The following ESRRG variants were observed in gnomAD, a reference collection of about 807,000 sequenced individuals.
The protein encoded by ESRRG is estrogen-related receptor gamma.
Under a neutral mutation model 44.0 loss-of-function variants are expected in ESRRG, and 13 were observed. That is an observed-to-expected ratio of 0.30 (90% confidence interval 0.19 to 0.47). The LOEUF (loss-of-function observed/expected upper bound fraction) is 0.47, where lower values mean the gene tolerates loss of function less well. ESRRG is among the 20% of genes least tolerant of loss of function. The pLI is 1.00. For missense variants in ESRRG, 395 were observed against 580.6 expected, an observed-to-expected ratio of 0.68 and a Z score of 3.29; for synonymous variants, 215 against 214.6, an observed-to-expected ratio of 1.00 and a Z score of -0.02.
chr1:216,657,480 C>T (rs190895201), intron 2 of ESRRG, among the ~76,000 whole-genome samples: 13 of 152,260 alleles, frequency 8.5e-5, no homozygotes, highest in East Asian at 3.9e-4. Context: ...TTCACCCAAA[C>T]GTATTGCCCT....
chr1:216,928,131 T>C (rs1183915156), intron 2 of ESRRG, among the ~76,000 whole-genome samples: 1 of 152,162 alleles, frequency 6.6e-6, no homozygotes, highest in African/African-American at 2.4e-5. Context: ...CATATTGTTG[T>C]TAATTATAGA....
At chr1:216,737,581 C>T (rs1297897685) in intron 2 of ESRRG, among the ~76,000 whole-genome samples, 2 of 152,114 alleles carry the variant, frequency 1.3e-5, no homozygotes, top group Non-Finnish European at 2.9e-5. Flanking sequence ...TGCTAAATTA[C>T]TTAGCCCAGG....
intron 2 of ESRRG, among the ~76,000 whole-genome samples, chr1:216,738,319 T>C (rs2090237847): frequency 1.3e-5 from 2 of 152,112 alleles, no homozygotes; most frequent in Admixed American, 1.3e-4. Context: ...AAACCAAATT[T>C]CCAGGGATCC....
intron 3 of ESRRG, among the ~76,000 whole-genome samples, chr1:216,586,285 C>T (rs1263909103): frequency 6.6e-6 from 1 of 151,998 alleles, no homozygotes; most frequent in African/African-American, 2.4e-5. Context: ...TTTTAAGACG[C>T]TGGAATAAAA....
At chr1:217,031,498 T>C (rs978823286) in intron 1 of ESRRG, among the ~76,000 whole-genome samples, 1 of 152,226 alleles carries the variant, frequency 6.6e-6, no homozygotes, top group African/African-American at 2.4e-5. Context: ...GCTTTCAGCT[T>C]TCTTCTTAAG....
chr1:217,097,833 C>T (rs2092446441), intron 1 of ESRRG, among the ~76,000 whole-genome samples: 1 of 117,902 alleles, frequency 8.5e-6, no homozygotes, highest in South Asian at 3.5e-4. Flanking sequence ...TTTCTTTTGG[C>T]CAGGCTGCTT....
At chr1:216,835,506 A>T (rs2095550663) in intron 2 of ESRRG, among the ~76,000 whole-genome samples, 1 of 152,176 alleles carries the variant, frequency 6.6e-6, no homozygotes, top group South Asian at 2.1e-4. Context: ...TTAGGTTCTC[A>T]GTCTCATCTA....
At chr1:216,815,466 G>C (rs1046298940) in intron 2 of ESRRG, among the ~76,000 whole-genome samples, 1 of 152,190 alleles carries the variant, frequency 6.6e-6, no homozygotes, top group Non-Finnish European at 1.5e-5. Flanking sequence ...GAAGGGCTTT[G>C]TGGAGTGGGA....
At chr1:216,952,359 C>T (rs2067114666) in intron 1 of ESRRG, among the ~76,000 whole-genome samples, 1 of 152,076 alleles carries the variant, frequency 6.6e-6, no homozygotes, top group Non-Finnish European at 1.5e-5. Flanking sequence ...TTGCAAAGGG[C>T]AGCGTGGAAA....
chr1:216,848,097 A>G (rs963886838), intron 2 of ESRRG, among the ~76,000 whole-genome samples: 2 of 152,120 alleles, frequency 1.3e-5, no homozygotes, highest in African/African-American at 4.8e-5. Flanking sequence ...ACAACCAAAA[A>G]TGACTCCAGA....
At chr1:216,626,721 T>C (rs17671012) in intron 3 of ESRRG, among the ~76,000 whole-genome samples, 30,044 of 152,152 alleles carry the variant, frequency 0.2, 3,779 homozygotes, top group Non-Finnish European at 0.29. Context: ...ATATTTTATT[T>C]CAGTCTGTCG....
At chr1:217,115,648 C>T (rs74141754) in intron 1 of ESRRG, among the ~76,000 whole-genome samples, 1,938 of 152,230 alleles carry the variant, frequency 0.013, 49 homozygotes, top group African/African-American at 0.043. Flanking sequence ...TCCTCATTTC[C>T]TTCAGGTCTG....
chr1:217,126,252 A>G (rs2092888505), intron 1 of ESRRG, among the ~76,000 whole-genome samples: 1 of 152,156 alleles, frequency 6.6e-6, no homozygotes, highest in South Asian at 2.1e-4. Context: ...CCGTAGCACC[A>G]TGTAGGAAAA....
intron 1 of ESRRG, among the ~76,000 whole-genome samples, chr1:217,004,272 C>T (rs1465356355): frequency 6.6e-6 from 1 of 152,168 alleles, no homozygotes; most frequent in Non-Finnish European, 1.5e-5. Context: ...ACCCAAATCT[C>T]ACCTTGAATT....
intron 1 of ESRRG, among the ~76,000 whole-genome samples, chr1:217,006,622 C>T (rs928049609): frequency 1.3e-5 from 2 of 152,160 alleles, no homozygotes; most frequent in Non-Finnish European, 2.9e-5. Context: ...AGTGAGATAT[C>T]GTGAGAATGG....
Position 216,503,501 on chromosome 1 carries a change from T to TTTATTA in ESRRG, c.*3432_*3437dup, listed in dbSNP as rs11572841. 6.6e-6 allele frequency: 1 copy of TTTATTA among 152,002 alleles called. No individual in the cohort carries two copies. The highest frequency in any genetic ancestry group is 2.4e-5 in the African/African-American group (1 of 41,138). The allele number at this position is 152,002 out of a possible 1,614,324, so 9.4% of individuals were successfully genotyped here. A position where few individuals can be genotyped will look rare whatever the true frequency, so the allele number is the denominator to read the frequency against. ...GCCCATCTACAGCTATAGACATGGTTTTATTATTATTATTATTATTTTTAC... is the reference window on the plus strand; with the variant it reads ...GCCCATCTACAGCTATAGACATGGTTTTATTATTATTATTATTATTATTATTTTTAC... On this transcript the variant is annotated 3_prime_UTR_variant, in exon 7 of 7. Coordinates refer to ENST00000408911, the MANE Select transcript of ESRRG (RefSeq NM_001438.4).
chr1:216,556,045 G>C (rs2057478458), intron 5 of ESRRG, among the ~76,000 whole-genome samples: 1 of 152,030 alleles, frequency 6.6e-6, no homozygotes, highest in Admixed American at 6.6e-5. Context: ...TTCTTTTAGA[G>C]GTGGAAAAAG....
intron 2 of ESRRG, among the ~76,000 whole-genome samples, chr1:216,738,997 T>G (rs1559469492): frequency 6.6e-6 from 1 of 152,138 alleles, no homozygotes; most frequent in African/African-American, 2.4e-5. Flanking sequence ...ATTACAGGTA[T>G]GTCCCACTGC....
At chr1:216,950,303 A>G (rs1020888641) in intron 1 of ESRRG, among the ~76,000 whole-genome samples, 1 of 152,218 alleles carries the variant, frequency 6.6e-6, no homozygotes, top group African/African-American at 2.4e-5. Flanking sequence ...TCAAAACTTA[A>G]TATATGTCAT....
Sources: gnomAD v4.1 joint callset for allele counts (sites outside exome capture counted in the v4.1 genomes callset) on GRCh38, gnomAD v4.1.1 for gene constraint, MANE v1.5 for transcripts, NCBI Gene and HGNC (gene_info 2026-07-23, HGNC 2026-07-21) for gene names.